FTSJ3: variants seen among roughly 807,000 people sequenced by gnomAD.
FTSJ3 encodes the protein FtsJ RNA 2'-O-methyltransferase 3, also known as pre-rRNA 2'-O-ribose RNA methyltransferase FTSJ3.
Under a neutral mutation model 111.5 loss-of-function variants are expected in FTSJ3, and 46 were observed. The ratio of observed to expected loss-of-function variants is 0.41; its 90% CI spans 0.33 to 0.53. The LOEUF (loss-of-function observed/expected upper bound fraction) is 0.53. Among genes scored for constraint, FTSJ3 ranks in the 20% least tolerant of loss-of-function variants. FTSJ3 has a pLI of 0.19. For synonymous variants in FTSJ3, 408 were observed against 383.0 expected (o/e 1.07, Z -0.76); for missense variants, 1,075 against 1,063.8 (o/e 1.01, Z -0.15).
At chr17:63,821,163 C>G (rs757647845) in intron 16 of FTSJ3, 48 bp from the exon 17 acceptor site, 4 of 1,594,214 alleles carry the variant, frequency 2.5e-6, no homozygotes, top group Non-Finnish European at 3.4e-6. Context: ...CTGTACTACT[C>G]AGACCGCACT....
At chr17:63,826,974 GATTCCACTTCC>G in intron 1 of FTSJ3, 46 bp from the exon 2 acceptor site, 1 of 1,316,002 alleles carries the variant, frequency 7.6e-7, no homozygotes, top group Non-Finnish European at 1.1e-6. Context: ...CGGAGCACCA[GATTCCACTTCC>G]AGTTTCCCAC....
Position 63,827,651 on chromosome 17 carries a change from T to C in FTSJ3, c.-626A>G, listed in dbSNP as rs558678881. On this transcript the variant is annotated 5_prime_UTR_variant, in exon 1 of 21. Transcript: ENST00000427159. ...GGACCAGTCCATGCTGGACGCTGCC[T>C]GCGACCGGATCTGCTGTGTCAGCGC... 1.3e-6 allele frequency: 2 copies of C among 1,507,456 alleles called. No homozygotes were observed. The highest frequency in any genetic ancestry group is 4.4e-5 in the Admixed American group (2 of 45,822). 93.4% of individuals were successfully genotyped at this position (1,507,456 alleles called of 1,614,324 possible).
Position 63,827,266 on chromosome 17 carries a change from G to A in FTSJ3, c.-241C>T, listed in dbSNP as rs1156985179. On this transcript the variant is annotated 5_prime_UTR_variant, in exon 1 of 21. Coordinates refer to ENST00000427159, the MANE Select transcript of FTSJ3 (RefSeq NM_017647.4). ...CAAGAACTATAAACAGAGTTTCAATGAGGCAACACTGAGGAGGAGTTCTAC... is the reference window on the plus strand; with the variant it reads ...CAAGAACTATAAACAGAGTTTCAATAAGGCAACACTGAGGAGGAGTTCTAC... 1.6e-6 allele frequency: 1 copy of A among 618,896 alleles called. No homozygotes were observed. Among genetic ancestry groups the A allele is most frequent in the African/African-American group, 1.8e-5 (1 of 54,168 alleles). The allele number at this position is 618,896 out of a possible 1,614,324, so 38.3% of individuals were successfully genotyped here. A position where few individuals can be genotyped will look rare whatever the true frequency, so the allele number is the denominator to read the frequency against.
In FTSJ3 at chr17:63,825,900, T is replaced by G. The variant is rs984949861; in HGVS notation, c.300+156A>C. 5 of 679,216 alleles carry G rather than the reference T, an allele frequency of 7.4e-6. No homozygotes were observed. In the African/African-American group the frequency reaches 9.0e-5, roughly 12 times the overall value. 42.1% of individuals were successfully genotyped at this position (679,216 alleles called of 1,614,324 possible). A position where few individuals can be genotyped will look rare whatever the true frequency, so the allele number is the denominator to read the frequency against. ...TTTATCCCTGACTCTAAATAAAGCC[T>G]GGAGTGGACACTACGAATGCCATAG... On this transcript the variant is annotated intron_variant, in intron 5 of 20. Transcript: ENST00000427159.
chr17:63,819,745 C>T lies in FTSJ3; in HGVS notation c.*57G>A. On this transcript the variant is annotated 3_prime_UTR_variant, in exon 21 of 21. Coordinates refer to ENST00000427159, the MANE Select transcript of FTSJ3 (RefSeq NM_017647.4). ...CGGTAATCAAGGGGGCCAGACTGAG[C>T]CATGCCACACCCTTCCTCCTAGTCC... 6.7e-7 allele frequency: 1 copy of T among 1,501,806 alleles called. No individual in the cohort carries two copies. Among genetic ancestry groups the T allele is most frequent in the Non-Finnish European group, 9.0e-7 (1 of 1,105,188 alleles). 93.0% of individuals were successfully genotyped at this position (1,501,806 alleles called of 1,614,324 possible). A position where few individuals can be genotyped will look rare whatever the true frequency, so the allele number is the denominator to read the frequency against.
rs1347048533 is a variant in FTSJ3 at position 63,819,964 on chromosome 17, C to T, written c.2382G>A (p.Glu794=). ...SLYKKAGLGK[E]KRHVTYVVAK... ...CTACAACGTAGGTGACATGGCGTTT[C>T]TCCTTGCCAAGCCCAGCCTTCTTGT... The change falls in exon 21 of 21, where the codon GAG becomes GAA. Residue 794 remains glutamate, a synonymous_variant. Coordinates refer to ENST00000427159, the MANE Select transcript of FTSJ3 (RefSeq NM_017647.4). 1.1e-5 allele frequency: 18 copies of T among 1,614,210 alleles called. No homozygotes were observed. The highest frequency in any genetic ancestry group is 1.5e-5 in the Non-Finnish European group (18 of 1,180,036).
In FTSJ3 at chr17:63,826,583, C is replaced by CACACAGGTCCAGCA. The variant is rs2040106960; in HGVS notation, c.143_156dup (p.Ala53CysfsTer14). On this transcript the variant is annotated frameshift_variant, in exon 3 of 21. Transcript: ENST00000427159. LOFTEE classifies it high-confidence loss of function. ...GTTACGAACCATCCCCCTGGCGCAG[C>CACACAGGTCCAGCA]ACACAGGTCCAGCAAGGCTCGGGCT... 6.2e-7 allele frequency: 1 copy of CACACAGGTCCAGCA among 1,613,650 alleles called. No homozygotes were observed. Among genetic ancestry groups the CACACAGGTCCAGCA allele is most frequent in the African/African-American group, 1.3e-5 (1 of 74,932 alleles).
rs1404076308 is a variant in FTSJ3 at position 63,825,152 on chromosome 17, G to A, written c.607C>T (p.Pro203Ser). The A allele has an allele frequency of 1.2e-6, 2 of 1,614,098 alleles. No individual in the cohort carries two copies. Among genetic ancestry groups the A allele is most frequent in the Non-Finnish European group, 1.7e-6 (2 of 1,180,008 alleles). ...AAGAATTTACTGTCAACCTTGTCAG[G>A]GGCCAGGAATCCTAAAAATGACAGG... ...IFVVCQGFLAPDKVDSKFFDP... is the reference protein window; with the variant it reads ...IFVVCQGFLASDKVDSKFFDP... The change falls in exon 8 of 21, where the codon CCT becomes TCT. Residue 203 changes from proline to serine, a missense_variant. Pro to Ser is a moderately conservative substitution (Grantham distance 74). This residue lies in a region of FTSJ3 where 208 missense variants were observed against 266.9 expected (regional missense o/e 0.78). Transcript: ENST00000427159.
chr17:63,820,489 G>T, intron 18 of FTSJ3, 51 bp from the exon 19 acceptor site: 1 of 1,579,862 alleles, frequency 6.3e-7, no homozygotes, highest in Non-Finnish European at 8.7e-7. Flanking sequence ...GCTTTCTAAA[G>T]AAATTACCAG....
Position 63,827,426 on chromosome 17 carries a change from C to A in FTSJ3, c.-401G>T. 6.4e-7 allele frequency: 1 copy of A among 1,551,160 alleles called. No homozygotes were observed. Among genetic ancestry groups the A allele is most frequent in the Non-Finnish European group, 8.7e-7 (1 of 1,146,540 alleles). On this transcript the variant is annotated 5_prime_UTR_variant, in exon 1 of 21. Coordinates refer to ENST00000427159, the MANE Select transcript of FTSJ3 (RefSeq NM_017647.4). Reference sequence around the variant, plus strand: ...CTCTGCCTGGTCTTCAGGTCCCAATCCTCCGCTTCCGCGCTTGCGCGCCAA... The same window carrying A: ...CTCTGCCTGGTCTTCAGGTCCCAATACTCCGCTTCCGCGCTTGCGCGCCAA...
At position 63,824,200 on chromosome 17, in the gene FTSJ3, GTCC is replaced by G. The variant is rs1372096209; in HGVS notation, c.1035_1037del (p.Glu345del). ...GCTGCTTTGTGGTTCCAGCTGTTGA[GTCC>G]TCCTCATCACCTTCATCTTCCTCTC... On this transcript the variant is annotated inframe_deletion, in exon 12 of 21. Coordinates refer to ENST00000427159, the MANE Select transcript of FTSJ3 (RefSeq NM_017647.4). The G allele has an allele frequency of 4.3e-6, 7 of 1,613,888 alleles. No individual in the cohort carries two copies. Among genetic ancestry groups the G allele is most frequent in the Middle Eastern group, 1.6e-4 (1 of 6,084 alleles).
At position 63,820,417 on chromosome 17, in the gene FTSJ3, C is replaced by G; in HGVS notation, c.2094G>C (p.Glu698Asp). The G allele has an allele frequency of 1.9e-6, 3 of 1,614,134 alleles. No homozygotes were observed. The highest frequency in any genetic ancestry group is 1.1e-5 in the South Asian group (1 of 91,086). Residue 698 changes from glutamate (E) to aspartate (D), a missense_variant, in exon 19 of 21, where the codon GAG (glutamate) becomes GAC (aspartate). Physicochemically the swap from Glu to Asp is conservative, Grantham distance 45. Transcript: ENST00000427159. Reference protein sequence around the residue: ...SFNRYTFNEDEGELPEWFVQE... With the variant: ...SFNRYTFNEDDGELPEWFVQE... ...GCACAAACCACTCCGGAAGCTCCCC[C>G]TCATCCTCATTAAATGTGTACCTGA...
At chr17:63,821,180 G>C (rs1393283774) in intron 16 of FTSJ3, 65 bp from the exon 17 acceptor site, 4 of 1,582,568 alleles carry the variant, frequency 2.5e-6, no homozygotes, top group East Asian at 4.5e-5. Context: ...CACTCCCACG[G>C]AATTTGCAAA....
chr17:63,826,816 CTG>C lies in FTSJ3; in HGVS notation c.67+18_67+19del. 3 of 1,612,636 alleles carry C rather than the reference CTG, an allele frequency of 1.9e-6. No individual in the cohort carries two copies. Among genetic ancestry groups the C allele is most frequent in the Non-Finnish European group, 2.5e-6 (3 of 1,178,648 alleles). On this transcript the variant is annotated intron_variant, in intron 2 of 20. Transcript: ENST00000427159. ...CAGAGATCGCTCGCTCGCTCGCAGA[CTG>C]AGCGAATCCGGACTCACCCGTCTCC...
rs1395163872 is a variant in FTSJ3, at chr17:63,819,847, T to C, written c.2499A>G (p.Arg833=). Residue 833 remains arginine (R), a synonymous_variant, in exon 21 of 21, where the codon AGA becomes AGG. Transcript: ENST00000427159. ...TCTTTTGTTCCTTACGTTGCTGTGC[T>C]CTTTGGTCCTTCTTCATCCTTGAGT... ...VVDSRMKKDQ[R]AQQRKEQKKK... is the part of the protein sequence containing the mutation. 6.2e-7 allele frequency: 1 copy of C among 1,614,012 alleles called. No individual in the cohort carries two copies. The highest frequency in any genetic ancestry group is 8.5e-7 in the Non-Finnish European group (1 of 1,180,036).
intron 20 of FTSJ3, 28 bp from the exon 21 acceptor site, chr17:63,820,022 G>A (rs762710245): frequency 3.7e-6 from 6 of 1,613,868 alleles, no homozygotes; most frequent in Non-Finnish European, 5.1e-6. Context: ...AGAGGTTAGA[G>A]GCTTGCTTTC....
At chr17:63,824,464 C>G (rs1038480035) in intron 10 of FTSJ3, 53 bp from the exon 11 acceptor site, 4 of 1,594,160 alleles carry the variant, frequency 2.5e-6, no homozygotes, top group Non-Finnish European at 3.4e-6. Flanking sequence ...TGTCCCCGCC[C>G]CCTTCTGTTT....
chr17:63,824,071 C>T lies in FTSJ3; in HGVS notation c.1154+13G>A, dbSNP rs763334710. On this transcript the variant is annotated intron_variant, in intron 12 of 20. Transcript: ENST00000427159. Reference sequence around the variant, plus strand: ...CGTTGGGGAACTCCAAGCTCTACCCCAGCTCCTTTCACCTCTTCAATTCCG... The same window carrying T: ...CGTTGGGGAACTCCAAGCTCTACCCTAGCTCCTTTCACCTCTTCAATTCCG... 1 of 1,614,166 alleles carries T rather than the reference C, an allele frequency of 6.2e-7. No homozygotes were observed. Among genetic ancestry groups the T allele is most frequent in the Admixed American group, 1.7e-5 (1 of 60,026 alleles).
At chr17:63,823,760 C>G in intron 13 of FTSJ3, 57 bp downstream of exon 13, 1 of 1,578,524 alleles carries the variant, frequency 6.3e-7, no homozygotes. Flanking sequence ...CCCCCACCTC[C>G]AAACACCCAA....
Sources: allele counts gnomAD v4.1 joint callset, GRCh38; gene constraint gnomAD v4.1.1; regional missense constraint gnomAD v4.1.1; transcripts MANE v1.5; gene names NCBI Gene and HGNC (gene_info 2026-07-23, HGNC 2026-07-21).